The following MRPL37 variants were observed in gnomAD, a reference collection of about 807,000 sequenced individuals.
MRPL37 encodes mitochondrial ribosomal protein L37.
In MRPL37, 34 loss-of-function variants were observed where a neutral mutation model predicts 44.1. The observed-to-expected ratio is 0.77, with a 90% CI of 0.59 to 1.03. MRPL37 has a LOEUF of 1.03. MRPL37 is among the 50% of genes least tolerant of loss of function. The pLI is 0.00. For synonymous variants in MRPL37, 212 were observed against 219.5 expected, an observed-to-expected ratio of 0.97 and a Z score of 0.30; for missense variants, 532 against 543.7, an observed-to-expected ratio of 0.98 and a Z score of 0.21.
chr1:54,210,234 C>T (rs772557355), intron 4 of MRPL37, 103 bp downstream of exon 4: 79 of 1,099,870 alleles, frequency 7.2e-5, no homozygotes, highest in Admixed American at 2.5e-4. Context: ...CTAGGCACCT[C>T]GTGTGTATTA....
At chr1:54,222,608 G>A (rs1288799981), downstream of MRPL37, among the ~76,000 whole-genome samples, 1 of 152,104 alleles carries the variant, frequency 6.6e-6, no homozygotes, top group African/African-American at 2.4e-5. Context: ...TCTACTCACT[G>A]CTCTGTCGCC....
In MRPL37 at chr1:54,218,313, C is replaced by T; in HGVS notation, c.*64C>T. The T allele has an allele frequency of 6.2e-7, 1 of 1,611,416 alleles. No homozygotes were observed. Among genetic ancestry groups the T allele is most frequent in the East Asian group, 2.2e-5 (1 of 44,854 alleles). On this transcript the variant is annotated 3_prime_UTR_variant, in exon 7 of 7. Transcript: ENST00000360840. ...CTCTTCCACGGAAGAGGGCCTGGGC[C>T]CCGTGGAGCCTCAGTGCCCGTTTGG...
intron 3 of MRPL37, among the ~76,000 whole-genome samples, chr1:54,207,148 C>T (rs1644129788): frequency 6.6e-6 from 1 of 152,204 alleles, no homozygotes; most frequent in South Asian, 2.1e-4. Flanking sequence ...TTTTCCTCCT[C>T]TGTGTTCTTT....
intron 1 of MRPL37, among the ~76,000 whole-genome samples, chr1:54,202,329 T>C (rs1310703526): frequency 2.6e-5 from 4 of 151,782 alleles, no homozygotes; most frequent in African/African-American, 9.7e-5. Flanking sequence ...ACATTTATAT[T>C]CATATTCCTG....
Position 54,218,201 on chromosome 1 carries a change from A to G in MRPL37, c.1224A>G (p.Pro408=), listed in dbSNP as rs775612723. 6.2e-7 allele frequency: 1 copy of G among 1,614,120 alleles called. No individual in the cohort carries two copies. The highest frequency in any genetic ancestry group is 1.1e-5 in the South Asian group (1 of 91,080). ...VEPVGPVGFK[P]ETFRKFLALY... is the part of the protein sequence containing the mutation. Reference sequence around the variant, plus strand: ...CTGTTGGCCCAGTTGGTTTCAAGCCAGAGACATTCAGAAAGTTTTTAGCTC... The same window carrying G: ...CTGTTGGCCCAGTTGGTTTCAAGCCGGAGACATTCAGAAAGTTTTTAGCTC... The change falls in exon 7 of 7, where the codon CCA becomes CCG. Residue 408 remains proline, a synonymous_variant. Transcript: ENST00000360840.
At position 54,210,026 on chromosome 1, in the gene MRPL37, G is replaced by A. The variant is rs1257311089; in HGVS notation, c.727G>A (p.Glu243Lys). Residue 243 changes from glutamate to lysine, a missense_variant, in exon 4 of 7, where the codon GAG (glutamate) becomes AAG (lysine). Coordinates refer to ENST00000360840, the MANE Select transcript of MRPL37 (RefSeq NM_016491.4). ...KDPLPTIASR[E>K]EIEATKNHVL... ...TCCTCTGCCCACCATCGCCTCCAGA[G>A]AGGAGATTGAAGCTACTAAGAATCA... 1.9e-6 allele frequency: 3 copies of A among 1,614,220 alleles called. No homozygotes were observed. Among genetic ancestry groups the A allele is most frequent in the African/African-American group, 1.3e-5 (1 of 75,062 alleles).
At chr1:54,207,529 G>C (rs1644132785) in intron 3 of MRPL37, 1 of 152,122 alleles carries the variant, frequency 6.6e-6, no homozygotes, top group African/African-American at 2.4e-5. Flanking sequence ...AAGGAAATTA[G>C]TGAACCTCAT....
intron 5 of MRPL37, among the ~76,000 whole-genome samples, chr1:54,213,633 T>C (rs1644178967): frequency 6.6e-6 from 1 of 152,230 alleles, no homozygotes; most frequent in Non-Finnish European, 1.5e-5. Context: ...TGGGAACTTG[T>C]TGAAAAGGCA....
At chr1:54,203,201 C>T (rs1644096805) in intron 1 of MRPL37, among the ~76,000 whole-genome samples, 2 of 152,160 alleles carry the variant, frequency 1.3e-5, no homozygotes, top group Admixed American at 6.5e-5. Context: ...GTCACCCAGG[C>T]TGCAGTGCAA....
chr1:54,205,014 A>G lies in MRPL37; in HGVS notation c.347-4A>G, dbSNP rs1344330191. On this transcript the variant is annotated splice_region_variant and splice_polypyrimidine_tract_variant and intron_variant, in intron 1 of 6. Transcript: ENST00000360840. The stretch of plus-strand genomic sequence containing the variant: ...CTTTATTTTTGTGGCTAATTACCTC[A>G]AAGGTGTAAAGCAGGCCCTCTGGCT... The G allele has an allele frequency of 1.2e-6, 2 of 1,610,086 alleles. No individual in the cohort carries two copies. Among genetic ancestry groups the G allele is most frequent in the Non-Finnish European group, 1.7e-6 (2 of 1,178,060 alleles).
Position 54,210,143 on chromosome 1 carries a change from T to C in MRPL37, c.832+12T>C, listed in dbSNP as rs781671402. ...GAAAAATGACACAGGTAAGGATCAA[T>C]GTCTTGGACTTTTAGGCAGTGTGGA... On this transcript the variant is annotated intron_variant, in intron 4 of 6. Coordinates refer to ENST00000360840, the MANE Select transcript of MRPL37 (RefSeq NM_016491.4). 2.5e-5 allele frequency: 40 copies of C among 1,610,980 alleles called. No homozygotes were observed. Among genetic ancestry groups the C allele is most frequent in the Non-Finnish European group, 3.4e-5 (40 of 1,177,394 alleles).
At position 54,200,475 on chromosome 1, in the gene MRPL37, T is replaced by C; in HGVS notation, c.232T>C (p.Trp78Arg). The change falls in exon 1 of 7, where the codon TGG (tryptophan) becomes CGG (arginine). Residue 78 changes from tryptophan (W) to arginine (R), a missense_variant. Trp to Arg is a moderately radical substitution (Grantham distance 101). Transcript: ENST00000360840. ...GCTGGCGCGGCCGATCTTTCCGCCC[T>C]GGGACCGCGGCTACAAGGACCCAAG... ...PWLARPIFPP[W>R]DRGYKDPRFY... The C allele has an allele frequency of 6.2e-7, 1 of 1,614,226 alleles. No individual in the cohort carries two copies. Among genetic ancestry groups the C allele is most frequent in the Non-Finnish European group, 8.5e-7 (1 of 1,180,040 alleles).
At chr1:54,224,299 G>C (rs1644258439), downstream of MRPL37, among the ~76,000 whole-genome samples, 3 of 152,174 alleles carry the variant, frequency 2.0e-5, no homozygotes, top group Admixed American at 2.0e-4. Context: ...GAAGAGGGAA[G>C]GACCAGATGG....
downstream of MRPL37, among the ~76,000 whole-genome samples, chr1:54,222,164 G>A (rs575381666): frequency 5.9e-5 from 9 of 152,346 alleles, no homozygotes; most frequent in Non-Finnish European, 1.0e-4. Flanking sequence ...TTCTCAGGAC[G>A]AAGAGGGCTC....
At chr1:54,220,503 G>T (rs573182694), downstream of MRPL37, 818 of 378,588 alleles carry the variant, frequency 2.2e-3, 12 homozygotes, top group South Asian at 0.016. Context: ...CAGGACTGGC[G>T]GTTTTTTTTA....
At position 54,205,024 on chromosome 1, in the gene MRPL37, A is replaced by T; in HGVS notation, c.353A>T (p.Lys118Met). Residue 118 changes from lysine to methionine, a missense_variant, in exon 2 of 7, where the codon AAG (lysine) becomes ATG (methionine). Transcript: ENST00000360840. ...HHRCRLLEGVKQALWLTKTKL... is the reference protein window; with the variant it reads ...HHRCRLLEGVMQALWLTKTKL... Reference sequence around the variant, plus strand: ...GTGGCTAATTACCTCAAAGGTGTAAAGCAGGCCCTCTGGCTCACCAAGACC... The same window carrying T: ...GTGGCTAATTACCTCAAAGGTGTAATGCAGGCCCTCTGGCTCACCAAGACC... The T allele has an allele frequency of 6.2e-7, 1 of 1,613,750 alleles. No homozygotes were observed. Among genetic ancestry groups the T allele is most frequent in the South Asian group, 1.1e-5 (1 of 91,038 alleles).
At chr1:54,213,745 G>A (rs917246657) in intron 5 of MRPL37, among the ~76,000 whole-genome samples, 2 of 152,200 alleles carry the variant, frequency 1.3e-5, no homozygotes, top group Non-Finnish European at 2.9e-5. Flanking sequence ...CTACAAGCTC[G>A]AGTTTAAAAA....
chr1:54,216,378 G>A, intron 6 of MRPL37, 34 bp downstream of exon 6: 2 of 1,605,198 alleles, frequency 1.2e-6, no homozygotes, highest in Non-Finnish European at 8.5e-7. Flanking sequence ...GACCCAGGAG[G>A]GCCATGCCTC....
chr1:54,218,084 C>A, intron 6 of MRPL37, 88 bp from the exon 7 acceptor site: 1 of 1,151,246 alleles, frequency 8.7e-7, no homozygotes, highest in Non-Finnish European at 1.3e-6. Flanking sequence ...ACTGTCCAGG[C>A]ACTGAAGATT....
Sources: allele counts gnomAD v4.1 joint callset (sites outside exome capture counted in the v4.1 genomes callset), GRCh38; gene constraint gnomAD v4.1.1; transcripts MANE v1.5; gene names NCBI Gene and HGNC (gene_info 2026-07-23, HGNC 2026-07-21).